ARHGAP6: variants seen among roughly 807,000 people sequenced by gnomAD.
ARHGAP6 encodes the protein rho GTPase-activating protein 6.
A neutral mutation model predicts 55.7 loss-of-function variants in ARHGAP6; 16 were observed. The ratio of observed to expected loss-of-function variants is 0.29; its 90% CI spans 0.19 to 0.44. The LOEUF is 0.44. Among genes scored for constraint, ARHGAP6 ranks in the 20% least tolerant of loss-of-function variants. The pLI, the probability that ARHGAP6 is intolerant of heterozygous loss-of-function variation, is 1.00. For missense variants in ARHGAP6, 698 were observed against 808.9 expected, an observed-to-expected ratio of 0.86 and a Z score of 1.66; for synonymous variants, 382 against 360.9, an observed-to-expected ratio of 1.06 and a Z score of -0.66.
chrX:11,248,886 C>T (rs1431265150), intron 2 of ARHGAP6, among the ~76,000 whole-genome samples: 3 of 111,742 alleles, frequency 2.7e-5, no homozygotes, highest in Non-Finnish European at 5.6e-5. Context: ...AAAAGTAGAA[C>T]TTCCATTTGA....
chrX:11,168,359 T>C (rs756806280), intron 9 of ARHGAP6, among the ~76,000 whole-genome samples: 27 of 112,586 alleles, frequency 2.4e-4, no homozygotes, highest in Admixed American at 2.1e-3. Flanking sequence ...ACGTATCAAA[T>C]GATTCTGGTC....
intron 1 of ARHGAP6, among the ~76,000 whole-genome samples, chrX:11,432,516 C>A (rs1469966930): frequency 1.8e-5 from 2 of 112,367 alleles, no homozygotes; most frequent in East Asian, 5.5e-4. Flanking sequence ...CTTTACTAGA[C>A]AATGCCTAAC....
intron 1 of ARHGAP6, among the ~76,000 whole-genome samples, chrX:11,579,885 A>T (rs1351127743): frequency 8.9e-6 from 1 of 112,087 alleles, no homozygotes. Flanking sequence ...ATCTCCCCCA[A>T]GGAAGGGCAG....
intron 1 of ARHGAP6, chrX:11,335,757 C>A (rs773144729): frequency 2.3e-4 from 70 of 307,987 alleles, no homozygotes; most frequent in African/African-American, 1.9e-3. Flanking sequence ...CTCTTAAAGG[C>A]TTTGGTGGTT....
At chrX:11,148,513 G>A in intron 10 of ARHGAP6, 1 of 234,881 alleles carries the variant, frequency 4.3e-6, no homozygotes, top group Middle Eastern at 5.5e-4. Context: ...CTCCATGCAT[G>A]GAGGGTTTCC....
intron 1 of ARHGAP6, among the ~76,000 whole-genome samples, chrX:11,358,450 TTTCTTTC>T (rs2048962525): frequency 3.4e-5 from 3 of 88,567 alleles, no homozygotes; most frequent in Non-Finnish European, 6.5e-5. Flanking sequence ...TCTTTCTTTC[TTTCTTTC>T]TTTCTTTCTT....
chrX:11,227,870 T>A (rs1344436884), intron 2 of ARHGAP6, among the ~76,000 whole-genome samples: 2 of 109,765 alleles, frequency 1.8e-5, no homozygotes, highest in African/African-American at 6.7e-5. Context: ...TTTGGCTACA[T>A]GTCCGAGTGA....
At chrX:11,585,452 CTT>C (rs1483322854) in intron 1 of ARHGAP6, among the ~76,000 whole-genome samples, 1 of 111,984 alleles carries the variant, frequency 8.9e-6, no homozygotes, top group Non-Finnish European at 1.9e-5. Flanking sequence ...TATTTTTTGA[CTT>C]TTTAGTAATA....
intron 1 of ARHGAP6, among the ~76,000 whole-genome samples, chrX:11,662,472 C>A (rs2052713017): frequency 8.9e-6 from 1 of 111,997 alleles, no homozygotes; most frequent in South Asian, 3.8e-4. Context: ...TAGATGGCTA[C>A]ATCCTTAGTT....
chrX:11,291,045 A>G (rs2047984635), intron 1 of ARHGAP6, among the ~76,000 whole-genome samples: 1 of 112,489 alleles, frequency 8.9e-6, no homozygotes, highest in Non-Finnish European at 1.9e-5. Flanking sequence ...CAAGTCAAGA[A>G]AAAGAATACC....
At chrX:11,139,928 T>C (rs1359257144) in intron 12 of ARHGAP6, among the ~76,000 whole-genome samples, 1 of 111,767 alleles carries the variant, frequency 8.9e-6, no homozygotes, top group Non-Finnish European at 1.9e-5. Flanking sequence ...GAGATACAAA[T>C]TATAATGTTT....
At chrX:11,173,377 T>C (rs2046122221) in intron 8 of ARHGAP6, among the ~76,000 whole-genome samples, 2 of 111,941 alleles carry the variant, frequency 1.8e-5, no homozygotes, top group African/African-American at 3.3e-5. Context: ...TTTTGCCTCA[T>C]AGACCCTTTG....
intron 8 of ARHGAP6, among the ~76,000 whole-genome samples, chrX:11,174,563 T>C (rs1473400670): frequency 1.2e-5 from 1 of 84,260 alleles, no homozygotes; most frequent in East Asian, 3.4e-4. Flanking sequence ...CCTTCCTTCC[T>C]TCCTTCCTTC....
chrX:11,366,389 G>T (rs1010158020), intron 1 of ARHGAP6, among the ~76,000 whole-genome samples: 1 of 112,075 alleles, frequency 8.9e-6, no homozygotes, highest in Non-Finnish European at 1.9e-5. Flanking sequence ...AGTTCCAGAA[G>T]GCATTGAAAG....
chrX:11,345,500 G>A (rs758593913), intron 1 of ARHGAP6, among the ~76,000 whole-genome samples: 5 of 112,282 alleles, frequency 4.5e-5, no homozygotes, highest in Non-Finnish European at 9.4e-5. Context: ...TTTCTTTGAA[G>A]TATCTGATTC....
rs149137398 is a variant in ARHGAP6, at chrX:11,660,081, A to T, written c.588+4160T>A. On this transcript the variant is annotated intron_variant, in intron 1 of 12. Transcript: ENST00000337414. ...CACAGTGAGACGCTTCGTAATTACC[A>T]CTATCCTACCTGTTGAACACTATTA... 1.3e-4 allele frequency among the ~76,000 whole-genome samples: 14 copies of T among 111,572 alleles called. No individual in the cohort carries two copies. In the East Asian group the frequency reaches 4.0e-3, roughly 32 times the overall value.
intron 1 of ARHGAP6, among the ~76,000 whole-genome samples, chrX:11,599,518 G>T (rs1018229163): frequency 9.0e-6 from 1 of 111,529 alleles, no homozygotes; most frequent in African/African-American, 3.3e-5. Flanking sequence ...TGGACATTAT[G>T]GTAAATGAAA....
intron 1 of ARHGAP6, among the ~76,000 whole-genome samples, chrX:11,589,293 C>T (rs1156834201): frequency 8.3e-5 from 9 of 109,081 alleles, no homozygotes; most frequent in Admixed American, 5.0e-4. Context: ...CCTCCCGCCT[C>T]GGCCTCCCAA....
chrX:11,242,817 CATT>C (rs1168647597), intron 2 of ARHGAP6, among the ~76,000 whole-genome samples: 3 of 111,685 alleles, frequency 2.7e-5, no homozygotes, highest in African/African-American at 9.8e-5. Context: ...GGAGTCTTAT[CATT>C]ACTTGTTAAA....
Sources: gnomAD v4.1 joint callset for allele counts (sites outside exome capture counted in the v4.1 genomes callset) on GRCh38, gnomAD v4.1.1 for gene constraint, MANE v1.5 for transcripts, NCBI Gene and HGNC (gene_info 2026-07-23, HGNC 2026-07-21) for gene names.